The following MAP4K3 variants were observed in gnomAD, a reference collection of about 807,000 sequenced individuals.
MAP4K3 encodes MAPK/ERK kinase kinase kinase 3.
Under a neutral mutation model 143.5 loss-of-function variants are expected in MAP4K3, and 94 were observed. The ratio of observed to expected loss-of-function variants is 0.65; its 90% confidence interval spans 0.55 to 0.78. The LOEUF is 0.78. MAP4K3 is among the 30% of genes least tolerant of loss of function. MAP4K3 has a pLI of 0.00. For missense variants in MAP4K3, 1,077 were observed against 1,068.1 expected, an observed-to-expected ratio of 1.01 and a Z score of -0.12; for synonymous variants, 416 against 347.2, an observed-to-expected ratio of 1.20 and a Z score of -2.20.
intron 15 of MAP4K3, among the ~76,000 whole-genome samples, chr2:39,304,353 T>G (rs1441678121): frequency 6.6e-6 from 1 of 152,200 alleles, no homozygotes. Context: ...GGTTTTTACC[T>G]TGGTGCCAAC....
chr2:39,408,865 C>T (rs886163944), intron 1 of MAP4K3, among the ~76,000 whole-genome samples: 3 of 152,194 alleles, frequency 2.0e-5, no homozygotes, highest in Non-Finnish European at 4.4e-5. Flanking sequence ...GGGTTTGATT[C>T]TCCAAGACTG....
intron 11 of MAP4K3, 47 bp downstream of exon 11, chr2:39,325,683 T>C (rs1683466437): frequency 6.4e-7 from 1 of 1,557,170 alleles, no homozygotes; most frequent in Non-Finnish European, 8.8e-7. Context: ...TTGAATAACA[T>C]TTTATCTTTT....
chr2:39,427,246 C>T (rs2148634488), intron 1 of MAP4K3, among the ~76,000 whole-genome samples: 1 of 151,752 alleles, frequency 6.6e-6, no homozygotes, highest in East Asian at 1.9e-4. Flanking sequence ...AAAGTAAAGA[C>T]AAAATAAAGA....
chr2:39,358,520 T>G (rs1230026910), intron 2 of MAP4K3, among the ~76,000 whole-genome samples: 1 of 152,276 alleles, frequency 6.6e-6, no homozygotes, highest in Non-Finnish European at 1.5e-5. Context: ...TGGCTTTAGG[T>G]TTTCAACTGC....
chr2:39,385,930 C>T (rs572096408), intron 1 of MAP4K3, among the ~76,000 whole-genome samples: 3 of 152,212 alleles, frequency 2.0e-5, no homozygotes, highest in Admixed American at 6.5e-5. Flanking sequence ...CTGCACCCAG[C>T]CAAATGTTTT....
chr2:39,434,673 C>T (rs550753682), intron 1 of MAP4K3, among the ~76,000 whole-genome samples: 7 of 152,372 alleles, frequency 4.6e-5, no homozygotes, highest in East Asian at 1.9e-4. Context: ...GTTAAGAATA[C>T]AGTCCCTAAT....
rs1264735831 is a variant in MAP4K3, at chr2:39,437,161, C to A, written c.-174G>T. Reference sequence around the variant, plus strand: ...GCCGCTCCCCTCACGCCGCTGCGGACGACGACAAGCGGCCAATCGTCCCCG... The same window carrying A: ...GCCGCTCCCCTCACGCCGCTGCGGAAGACGACAAGCGGCCAATCGTCCCCG... On this transcript the variant is annotated 5_prime_UTR_variant, in exon 1 of 34. Coordinates refer to ENST00000263881, the MANE Select transcript of MAP4K3 (RefSeq NM_003618.4). 5.0e-6 allele frequency: 2 copies of A among 399,014 alleles called. No homozygotes were observed. The highest frequency in any genetic ancestry group is 8.7e-6 in the Non-Finnish European group (2 of 230,898). 24.7% of individuals were successfully genotyped at this position (399,014 alleles called of 1,614,324 possible).
At position 39,288,264 on chromosome 2, in the gene MAP4K3, A is replaced by G; in HGVS notation, c.1331T>C (p.Ile444Thr). ...CTCAGTAGAATGCATTTCCTGTGGT[A>G]TGAAGATAGACTTAGGCTGAAATAA... ...PLPPKPKSIF[I>T]PQEMHSTEDE... The change falls in exon 20 of 34, where the codon ATA becomes ACA. Residue 444 changes from isoleucine (I) to threonine (T), a missense_variant. Transcript: ENST00000263881. 1 of 1,613,926 alleles carries G rather than the reference A, an allele frequency of 6.2e-7. No homozygotes were observed. The highest frequency in any genetic ancestry group is 1.1e-5 in the South Asian group (1 of 91,058).
At chr2:39,287,949 G>C (rs976973059) in intron 20 of MAP4K3, among the ~76,000 whole-genome samples, 172 bp downstream of exon 20, 1 of 152,098 alleles carries the variant, frequency 6.6e-6, no homozygotes, top group Admixed American at 6.5e-5. Flanking sequence ...AGGGAATCCT[G>C]TCATAAAAAC....
At chr2:39,325,372 A>T (rs1329445294) in intron 12 of MAP4K3, 146 bp downstream of exon 12, 10 of 490,678 alleles carry the variant, frequency 2.0e-5, no homozygotes, top group Middle Eastern at 1.1e-3. Flanking sequence ...AGGCAAAGAC[A>T]AAGAATTAAT....
intron 1 of MAP4K3, among the ~76,000 whole-genome samples, chr2:39,388,147 CT>C (rs1412147724): frequency 6.6e-6 from 1 of 152,158 alleles, no homozygotes; most frequent in Admixed American, 6.5e-5. Context: ...AACAGTAGCA[CT>C]GAGTTTGGGA....
intron 3 of MAP4K3, among the ~76,000 whole-genome samples, chr2:39,345,538 CA>C (rs1463638132): frequency 3.3e-5 from 5 of 151,960 alleles, no homozygotes; most frequent in Non-Finnish European, 2.9e-5. Context: ...AGGTAGCATA[CA>C]AAAAGAAAGC....
chr2:39,258,004 T>G (rs1680413906), intron 31 of MAP4K3, among the ~76,000 whole-genome samples: 1 of 152,054 alleles, frequency 6.6e-6, no homozygotes, highest in African/African-American at 2.4e-5. Context: ...CGATCTCAAC[T>G]CATTGCAACC....
chr2:39,268,095 G>C (rs986126779), intron 26 of MAP4K3, among the ~76,000 whole-genome samples: 3 of 152,040 alleles, frequency 2.0e-5, no homozygotes, highest in African/African-American at 7.2e-5. Context: ...TCTCTACTCA[G>C]GAAAAGTGGG....
intron 16 of MAP4K3, among the ~76,000 whole-genome samples, chr2:39,297,114 TTTC>T (rs1682313204): frequency 6.6e-6 from 1 of 152,114 alleles, no homozygotes; most frequent in South Asian, 2.1e-4. Flanking sequence ...AATTTAATGT[TTTC>T]TTTTCTTTTT....
intron 1 of MAP4K3, among the ~76,000 whole-genome samples, chr2:39,430,232 G>A (rs1665244052): frequency 6.6e-6 from 1 of 152,166 alleles, no homozygotes; most frequent in Non-Finnish European, 1.5e-5. Flanking sequence ...TAAGGTAGAT[G>A]ATCCTTTATA....
chr2:39,350,103 C>T (rs548744852), intron 3 of MAP4K3, among the ~76,000 whole-genome samples: 10 of 152,168 alleles, frequency 6.6e-5, no homozygotes, highest in Non-Finnish European at 1.5e-4. Flanking sequence ...TAACAACTAT[C>T]TTACAATGCG....
At chr2:39,370,882 CA>C (rs1329692418) in intron 2 of MAP4K3, among the ~76,000 whole-genome samples, 2 of 152,106 alleles carry the variant, frequency 1.3e-5, no homozygotes, top group Admixed American at 6.5e-5. Context: ...CTTTAAATCA[CA>C]AAAAGATTCC....
intron 24 of MAP4K3, 42 bp downstream of exon 24, chr2:39,278,365 A>G: frequency 1.7e-6 from 2 of 1,185,294 alleles, no homozygotes; most frequent in Non-Finnish European, 2.4e-6. Flanking sequence ...ACTTATGGTA[A>G]CTTAAAAATT....
Sources: allele counts gnomAD v4.1 joint callset (sites outside exome capture counted in the v4.1 genomes callset), GRCh38; gene constraint gnomAD v4.1.1; transcripts MANE v1.5; gene names NCBI Gene and HGNC (gene_info 2026-07-23, HGNC 2026-07-21).